The following PDK3 variants were observed in gnomAD, a reference collection of about 807,000 sequenced individuals.
The protein encoded by PDK3 is pyruvate dehydrogenase kinase, isozyme 3.
In PDK3, 12 loss-of-function variants were observed where a neutral mutation model predicts 32.0. The ratio of observed to expected loss-of-function variants is 0.37; its 90% CI spans 0.24 to 0.61. The LOEUF is 0.61. Ranked by LOEUF, PDK3 falls within the 20% of genes least tolerant of loss-of-function variation. The pLI, the probability that PDK3 is intolerant of heterozygous loss-of-function variation, is 0.65. For missense variants in PDK3, 188 were observed against 316.9 expected (o/e 0.59, Z 3.09); for synonymous variants, 122 against 116.3 (o/e 1.05, Z -0.31).
intron 1 of PDK3, among the ~76,000 whole-genome samples, chrX:24,475,050 C>T (rs185125045): frequency 1.8e-5 from 2 of 111,952 alleles, no homozygotes; most frequent in Non-Finnish European, 3.8e-5. Flanking sequence ...CTGATCACCA[C>T]TGGGGACAAC....
chrX:24,482,089 C>T (rs779717557), intron 1 of PDK3, among the ~76,000 whole-genome samples: 1 of 112,341 alleles, frequency 8.9e-6, no homozygotes. Flanking sequence ...ATTCTCACAG[C>T]GTCCACATTA....
At chrX:24,470,687 C>CAAAAAAAAAAAAAAAA (rs58511156) in intron 1 of PDK3, among the ~76,000 whole-genome samples, 14 of 26,233 alleles carry the variant, frequency 5.3e-4, no homozygotes, top group East Asian at 2.0e-3. Context: ...AACGGCATCT[C>CAAAAAAAAAAAAAAAA]AAAAAAAAAA....
At chrX:24,525,031 C>T (rs185624183) in intron 6 of PDK3, among the ~76,000 whole-genome samples, 1 of 110,688 alleles carries the variant, frequency 9.0e-6, no homozygotes, top group African/African-American at 3.3e-5. Context: ...GCGGCGCACA[C>T]CTGTAATCCC....
chrX:24,477,382 A>G (rs764807704), intron 1 of PDK3, among the ~76,000 whole-genome samples: 2 of 111,885 alleles, frequency 1.8e-5, no homozygotes, highest in Non-Finnish European at 3.8e-5. Context: ...ATTCCTGTGT[A>G]TATTTGGCAT....
chrX:24,501,814 A>G (rs565345561), intron 3 of PDK3, among the ~76,000 whole-genome samples: 97 of 112,576 alleles, frequency 8.6e-4, no homozygotes, highest in Middle Eastern at 9.2e-3. Flanking sequence ...CTTTTGCTGT[A>G]TGTTGCTGAT....
intron 9 of PDK3, among the ~76,000 whole-genome samples, chrX:24,531,344 G>A (rs1355323082): frequency 8.9e-6 from 1 of 112,075 alleles, no homozygotes. Context: ...ACAGGCGTGA[G>A]CCACTGTGCC....
At chrX:24,493,086 T>C (rs755114572) in intron 1 of PDK3, among the ~76,000 whole-genome samples, 8 of 111,317 alleles carry the variant, frequency 7.2e-5, no homozygotes, top group African/African-American at 2.6e-4. Flanking sequence ...TGGAAGGTCA[T>C]TGTGGGGGCA....
chrX:24,515,553 T>G (rs2148196551), intron 5 of PDK3, among the ~76,000 whole-genome samples: 1 of 111,998 alleles, frequency 8.9e-6, no homozygotes, highest in Non-Finnish European at 1.9e-5. Context: ...GAAGATGTGT[T>G]GGCTTTGTGT....
intron 1 of PDK3, among the ~76,000 whole-genome samples, chrX:24,478,682 GA>G (rs973747461): frequency 1.2e-4 from 14 of 112,059 alleles, no homozygotes; most frequent in Non-Finnish European, 2.6e-4. Flanking sequence ...ATGAATGGCA[GA>G]AAAATTGTAG....
intron 6 of PDK3, among the ~76,000 whole-genome samples, chrX:24,521,312 T>C (rs1922392172): frequency 1.9e-5 from 2 of 105,681 alleles, no homozygotes; most frequent in South Asian, 8.6e-4. Context: ...TAAACCAAAT[T>C]CCCCCTCAGG....
At chrX:24,537,944 C>G (rs911652004), downstream of PDK3, among the ~76,000 whole-genome samples, 1 of 112,174 alleles carries the variant, frequency 8.9e-6, no homozygotes, top group Non-Finnish European at 1.9e-5. Context: ...TAAGCTAAAT[C>G]AGCTTGAAAT....
intron 6 of PDK3, among the ~76,000 whole-genome samples, chrX:24,521,225 G>A (rs780766676): frequency 2.0e-5 from 2 of 100,092 alleles, no homozygotes; most frequent in Non-Finnish European, 4.0e-5. Context: ...GCTGCAGTGA[G>A]CCGAGATCAC....
intron 1 of PDK3, among the ~76,000 whole-genome samples, chrX:24,473,494 C>T (rs1028893055): frequency 9.1e-5 from 10 of 109,599 alleles, no homozygotes; most frequent in Non-Finnish European, 1.5e-4. Flanking sequence ...CAGAGTGCAA[C>T]GGCTTGGTCT....
At chrX:24,476,697 GTCCATA>G (rs1921123184) in intron 1 of PDK3, among the ~76,000 whole-genome samples, 2 of 111,993 alleles carry the variant, frequency 1.8e-5, no homozygotes, top group Non-Finnish European at 3.8e-5. Flanking sequence ...ATCACCTAAA[GTCCATA>G]GTTTACATTA....
intron 1 of PDK3, among the ~76,000 whole-genome samples, chrX:24,469,594 T>C (rs776290416): frequency 4.1e-4 from 45 of 108,837 alleles, no homozygotes; most frequent in African/African-American, 1.5e-3. Context: ...CTGGGCAACA[T>C]AGTGAGATCC....
intron 1 of PDK3, among the ~76,000 whole-genome samples, chrX:24,491,236 A>G (rs890459176): frequency 6.7e-5 from 7 of 104,938 alleles, no homozygotes; most frequent in Non-Finnish European, 1.2e-4. Flanking sequence ...AATTGCTTGA[A>G]CTCGGGAGGT....
At chrX:24,528,721 A>G (rs919524900) in intron 9 of PDK3, among the ~76,000 whole-genome samples, 1 of 112,456 alleles carries the variant, frequency 8.9e-6, no homozygotes, top group Admixed American at 9.4e-5. Context: ...TGGTGTATGC[A>G]TTTTCAGAGC....
intron 1 of PDK3, among the ~76,000 whole-genome samples, chrX:24,469,296 G>A (rs1351770812): frequency 9.0e-6 from 1 of 111,376 alleles, no homozygotes; most frequent in African/African-American, 3.3e-5. Flanking sequence ...TAATTTTGGC[G>A]AACATTGTCA....
chrX:24,475,239 G>A (rs1460184546), intron 1 of PDK3, among the ~76,000 whole-genome samples: 2 of 108,220 alleles, frequency 1.8e-5, no homozygotes, highest in Non-Finnish European at 3.8e-5. Context: ...GTGTCACCAA[G>A]AATTAGACCA....
Sources: gnomAD v4.1 joint callset for allele counts (sites outside exome capture counted in the v4.1 genomes callset) on GRCh38, gnomAD v4.1.1 for gene constraint, MANE v1.5 for transcripts, NCBI Gene and HGNC (gene_info 2026-07-23, HGNC 2026-07-21) for gene names.